The following P2RX5 variants were observed in gnomAD, a reference collection of about 807,000 sequenced individuals.
The protein encoded by P2RX5 is P2X purinoceptor 5.
P2RX5 carries 46 observed loss-of-function variants against 54.1 expected under a neutral mutation model. That is an observed-to-expected ratio of 0.85 (90% CI 0.67 to 1.09). The LOEUF is 1.09. P2RX5 is among the 50% of genes least tolerant of loss of function. The probability of loss-of-function intolerance (pLI) is 0.00; values close to 1 mark genes in which losing one functional copy is unlikely to be tolerated. For synonymous variants in P2RX5, 226 were observed against 226.4 expected, an observed-to-expected ratio of 1.00 and a Z score of 0.02; for missense variants, 566 against 549.8, an observed-to-expected ratio of 1.03 and a Z score of -0.29.
At chr17:3,675,375 T>C (rs1382939925) in intron 11 of P2RX5, 32 of 985,042 alleles carry the variant, frequency 3.2e-5, no homozygotes, top group Admixed American at 6.2e-5. Context: ...AAACAAATAG[T>C]ATGACTATCC....
the P2RX5 span, among the ~76,000 whole-genome samples, chr17:3,713,697 C>A: frequency 6.6e-6 from 1 of 150,720 alleles, no homozygotes; most frequent in Admixed American, 6.6e-5. Context: ...TTGCGGTGAG[C>A]CAAGATCACA....
chr17:3,675,977 C>G, intron 11 of P2RX5: 1 of 985,416 alleles, frequency 1.0e-6, no homozygotes, highest in South Asian at 4.7e-5. Flanking sequence ...TCCCTGGGCC[C>G]CTGACATCCC....
chr17:3,710,376 G>A, the P2RX5 span, among the ~76,000 whole-genome samples: 9 of 151,818 alleles, frequency 5.9e-5, no homozygotes, highest in African/African-American at 1.9e-4. Flanking sequence ...GCAGTGAGCC[G>A]AGATCATGCT....
chr17:3,683,729 CAA>C lies in P2RX5; in HGVS notation c.982-1753_982-1752del, dbSNP rs59622313. ...TGGGCGACAGAGTGAGACTCCGTCT[CAA>C]AAAAAAAAAAAAAAAAAGAAAAGTG... is the stretch of plus-strand genomic sequence containing the variant. On this transcript the variant is annotated intron_variant, in intron 9 of 11. Transcript: ENST00000225328. Among the ~76,000 whole-genome samples, 46 of 58,580 alleles carry C rather than the reference CAA, an allele frequency of 7.9e-4. 2 individuals are homozygous for C. Among genetic ancestry groups the C allele is most frequent in the Admixed American group, 1.7e-3 (10 of 5,848 alleles). The allele number at this position is 58,580 out of a possible 152,430, so 38.4% of individuals were successfully genotyped here.
rs1312566574 is a variant in P2RX5, at chr17:3,689,945, A to AAC, written c.614+123_614+124dup. ...GCACGCGCACACACGCACACACGCG[A>AAC]ACACACGCACACACGTGCACACACG... On this transcript the variant is annotated intron_variant, in intron 6 of 11. Coordinates refer to ENST00000225328, the MANE Select transcript of P2RX5 (RefSeq NM_002561.4). 6 of 926,676 alleles carry AAC rather than the reference A, an allele frequency of 6.5e-6. No individual in the cohort carries two copies. In the East Asian group the frequency reaches 1.4e-4, roughly 22 times the overall value. The allele number at this position is 926,676 out of a possible 1,614,324, so 57.4% of individuals were successfully genotyped here. A position where few individuals can be genotyped will look rare whatever the true frequency, so the allele number is the denominator to read the frequency against.
upstream of P2RX5, among the ~76,000 whole-genome samples, chr17:3,699,924 A>G (rs2050806272): frequency 1.4e-5 from 1 of 69,872 alleles, no homozygotes; most frequent in Non-Finnish European, 3.6e-5. Flanking sequence ...GAAGGAAAGA[A>G]AGAAAGAAAG....
chr17:3,720,045 A>T, the P2RX5 span, among the ~76,000 whole-genome samples: 1 of 152,018 alleles, frequency 6.6e-6, no homozygotes, highest in African/African-American at 2.4e-5. Context: ...TTTTTTTTTA[A>T]TCAATCCATT....
At chr17:3,703,220 C>T in the P2RX5 span, among the ~76,000 whole-genome samples, 11 of 152,104 alleles carry the variant, frequency 7.2e-5, no homozygotes, top group Non-Finnish European at 1.5e-4. Context: ...CAACAACAAA[C>T]GAGGCCAGGC....
rs988114390 is a variant in P2RX5 at position 3,690,627 on chromosome 17, C to G, written c.414G>C (p.Gly138=). Residue 138 remains glycine, a synonymous_variant, in exon 4 of 12, where the codon GGG becomes GGC. Coordinates refer to ENST00000225328, the MANE Select transcript of P2RX5 (RefSeq NM_002561.4). The stretch of plus-strand genomic sequence containing the variant: ...CACCGTTTCCAGCTGTAACCGCTTC[C>G]CCAGCGTGGCAGTCGCTGTCCTTGG... The part of the protein sequence containing the change: ...ACSKDSDCHA[G]EAVTAGNGVK... The G allele has an allele frequency of 6.2e-7, 1 of 1,613,472 alleles. No homozygotes were observed. The highest frequency in any genetic ancestry group is 1.3e-5 in the African/African-American group (1 of 74,958).
the P2RX5 span, among the ~76,000 whole-genome samples, chr17:3,713,032 C>T: frequency 1.3e-5 from 2 of 151,916 alleles, no homozygotes; most frequent in Non-Finnish European, 2.9e-5. Flanking sequence ...TCTAAACAGT[C>T]GGGGGAAAAA....
At chr17:3,718,879 G>A in the P2RX5 span, among the ~76,000 whole-genome samples, 1 of 151,994 alleles carries the variant, frequency 6.6e-6, no homozygotes, top group Admixed American at 6.6e-5. Context: ...GCAATAATGG[G>A]GCACTTCTAT....
the P2RX5 span, chr17:3,717,089 A>G: frequency 3.3e-6 from 1 of 306,636 alleles, no homozygotes; most frequent in South Asian, 3.5e-5. Flanking sequence ...GACAGCTTGA[A>G]AGAGGGTCCC....
At position 3,691,682 on chromosome 17, in the gene P2RX5, G is replaced by A. The variant is rs140162479; in HGVS notation, c.250C>T (p.Arg84Trp). The change falls in exon 2 of 12, where the codon CGG becomes TGG. Residue 84 changes from arginine to tryptophan, a missense_variant. Coordinates refer to ENST00000225328, the MANE Select transcript of P2RX5 (RefSeq NM_002561.4). ...AFTNTSDLGQRIWDVADYVIP... is the reference protein window; with the variant it reads ...AFTNTSDLGQWIWDVADYVIP... The stretch of plus-strand genomic sequence containing the variant: ...ACGTAGTCGGCGACATCCCAGATCC[G>A]CTGCCCAAGATCCGAGGTGTTGGTG... The A allele has an allele frequency of 4.6e-4, 741 of 1,614,096 alleles. No homozygotes were observed. The highest frequency in any genetic ancestry group is 5.6e-4 in the Non-Finnish European group (660 of 1,180,050).
chr17:3,691,825 A>G, intron 1 of P2RX5, 31 bp from the exon 2 acceptor site: 11 of 1,613,684 alleles, frequency 6.8e-6, no homozygotes, highest in Non-Finnish European at 8.5e-6. Flanking sequence ...CGTGGGCATC[A>G]GCCACTCTGC....
At chr17:3,674,884 G>T (rs160586) in intron 11 of P2RX5, among the ~76,000 whole-genome samples, 2 of 151,962 alleles carry the variant, frequency 1.3e-5, no homozygotes, top group African/African-American at 4.8e-5. Context: ...TGATCATTTG[G>T]TAAGGGTTCA....
At chr17:3,684,341 C>T (rs929394216) in intron 9 of P2RX5, among the ~76,000 whole-genome samples, 20 of 152,382 alleles carry the variant, frequency 1.3e-4, no homozygotes, top group East Asian at 5.8e-4. Context: ...CGGTGGCTCA[C>T]GCCCATAATC....
At chr17:3,708,877 CAA>C in the P2RX5 span, among the ~76,000 whole-genome samples, 5 of 148,096 alleles carry the variant, frequency 3.4e-5, no homozygotes, top group African/African-American at 9.9e-5. Context: ...CAACCCCCCT[CAA>C]AAAAAAAAAC....
chr17:3,694,793 G>A (rs1364822849), intron 1 of P2RX5, among the ~76,000 whole-genome samples: 1 of 152,242 alleles, frequency 6.6e-6, no homozygotes, highest in Admixed American at 6.5e-5. Context: ...GGCATTCCCG[G>A]ACTGACAGCG....
At chr17:3,680,441 A>G (rs1275168399) in intron 10 of P2RX5, among the ~76,000 whole-genome samples, 29 of 57,086 alleles carry the variant, frequency 5.1e-4, no homozygotes, top group African/African-American at 6.1e-4. Context: ...TCCACCCTGC[A>G]TCCTCCACCC....
Sources: gnomAD v4.1 joint callset for allele counts (sites outside exome capture counted in the v4.1 genomes callset) on GRCh38, gnomAD v4.1.1 for gene constraint, MANE v1.5 for transcripts, NCBI Gene and HGNC (gene_info 2026-07-23, HGNC 2026-07-21) for gene names.